The following PCDH15 variants were observed in gnomAD, a reference collection of about 807,000 sequenced individuals.
PCDH15 encodes the protein protocadherin related 15, also known as protocadherin-15.
In PCDH15, 129 loss-of-function variants were observed where a neutral mutation model predicts 178.5. The ratio of observed to expected loss-of-function variants is 0.72; its 90% confidence interval spans 0.63 to 0.84. The LOEUF is 0.84. Among genes scored for constraint, PCDH15 ranks in the 40% least tolerant of loss-of-function variants. The pLI, the probability that PCDH15 is intolerant of heterozygous loss-of-function variation, is 0.00. For synonymous variants in PCDH15, 800 were observed against 732.0 expected (o/e 1.09, Z -1.50); for missense variants, 2,230 against 2,099.9 (o/e 1.06, Z -1.21).
chr10:54,378,879 T>C lies in PCDH15; in HGVS notation c.221A>G (p.Glu74Gly). The C allele has an allele frequency of 6.2e-7, 1 of 1,613,828 alleles. No individual in the cohort carries two copies. The highest frequency in any genetic ancestry group is 1.1e-5 in the South Asian group (1 of 91,082). ...ATCCACATTATCCTTTAAAGAAAGTTCTATGGTGGGGTCTGGTCCTCCAGC... is the reference window on the plus strand; with the variant it reads ...ATCCACATTATCCTTTAAAGAAAGTCCTATGGTGGGGTCTGGTCCTCCAGC... ...GTAGGPDPTI[E>G]LSLKDNVDYW... Residue 74 changes from glutamate to glycine, a missense_variant, in exon 4 of 38, where the codon GAA becomes GGA. Physicochemically the swap from Glu to Gly is moderately conservative, Grantham distance 98 (BLOSUM62 -2). Coordinates refer to ENST00000644397, the MANE Select transcript of PCDH15 (RefSeq NM_001384140.1).
chr10:55,502,821 T>G (rs770902747), intron 2 of PCDH15, among the ~76,000 whole-genome samples: 22 of 151,764 alleles, frequency 1.4e-4, no homozygotes, highest in Admixed American at 9.2e-4. Context: ...CACCAAAAAT[T>G]TATTTATACT....
At chr10:55,143,118 G>A (rs1838398990) in intron 2 of PCDH15, among the ~76,000 whole-genome samples, 2 of 152,026 alleles carry the variant, frequency 1.3e-5, no homozygotes, top group Admixed American at 1.3e-4. Context: ...CATGTAAGTG[G>A]TGCCTTGCTT....
At position 54,723,264 on chromosome 10, in the gene PCDH15, A is replaced by T. The variant is rs1410260471; in HGVS notation, c.-28-58974T>A. On this transcript the variant is annotated intron_variant, in intron 1 of 37. Coordinates refer to ENST00000644397, the MANE Select transcript of PCDH15 (RefSeq NM_001384140.1). The stretch of plus-strand genomic sequence containing the variant: ...TAAAGCACACACTTACAATCAGTCG[A>T]TCTTCAAAATGTTAACAAAAGTAAA... Among the ~76,000 whole-genome samples the T allele has an allele frequency of 2.0e-5, 3 of 151,570 alleles. No homozygotes were observed. In the East Asian group the frequency reaches 5.8e-4, roughly 29 times the overall value.
intron 1 of PCDH15, among the ~76,000 whole-genome samples, chr10:54,748,687 C>A (rs1945793796): frequency 6.6e-6 from 1 of 152,210 alleles, no homozygotes; most frequent in Non-Finnish European, 1.5e-5. Context: ...AAAATCCTAA[C>A]CAGGACCTGG....
chr10:54,729,383 T>C (rs553567571), intron 1 of PCDH15, among the ~76,000 whole-genome samples: 1 of 151,714 alleles, frequency 6.6e-6, no homozygotes, highest in Non-Finnish European at 1.5e-5. Flanking sequence ...AGACTGACAC[T>C]GGATCCTTTC....
chr10:55,485,766 C>A (rs1419747001), intron 2 of PCDH15, among the ~76,000 whole-genome samples: 1 of 151,664 alleles, frequency 6.6e-6, no homozygotes, highest in Admixed American at 6.6e-5. Context: ...AACTACCATA[C>A]AATCCAGTAA....
chr10:53,808,693 C>T (rs2075747728), intron 37 of PCDH15: 1 of 1,611,664 alleles, frequency 6.2e-7, no homozygotes, highest in Non-Finnish European at 8.5e-7. Context: ...TGATCTCTTT[C>T]AAAGTGCTGT....
chr10:54,405,879 AAAAAAG>A (rs1033227494), intron 3 of PCDH15, among the ~76,000 whole-genome samples: 3 of 151,838 alleles, frequency 2.0e-5, no homozygotes, highest in Admixed American at 2.0e-4. Flanking sequence ...TAATTCTTTT[AAAAAAG>A]AAAAAGTATT....
intron 1 of PCDH15, among the ~76,000 whole-genome samples, chr10:55,205,510 TAG>T: frequency 6.6e-6 from 1 of 152,182 alleles, no homozygotes; most frequent in African/African-American, 2.4e-5. Context: ...TATTAGTTAA[TAG>T]TCTGTTGAAA....
intron 2 of PCDH15, among the ~76,000 whole-genome samples, chr10:55,011,228 G>T (rs1322208084): frequency 6.6e-6 from 1 of 151,962 alleles, no homozygotes; most frequent in Admixed American, 6.6e-5. Context: ...TATTAAAAGT[G>T]GACAAAGTGG....
chr10:55,116,376 TA>T (rs1373636036), intron 2 of PCDH15, among the ~76,000 whole-genome samples: 2 of 152,150 alleles, frequency 1.3e-5, no homozygotes, highest in East Asian at 3.9e-4. Context: ...TCAAAATGTT[TA>T]AATATTAGTA....
intron 2 of PCDH15, among the ~76,000 whole-genome samples, chr10:55,502,093 G>T (rs1840669903): frequency 6.6e-6 from 1 of 151,526 alleles, no homozygotes. Context: ...CCTCTCCTAA[G>T]TAAAAATTAA....
chr10:55,483,815 CA>C (rs71014494), intron 2 of PCDH15, among the ~76,000 whole-genome samples: 6,418 of 111,114 alleles, frequency 0.058, 387 homozygotes, highest in African/African-American at 0.18. Context: ...GACTCCATCT[CA>C]AAAAAAAAAA....
At chr10:55,030,347 CTGTT>C (rs1840579391) in intron 2 of PCDH15, among the ~76,000 whole-genome samples, 2 of 152,106 alleles carry the variant, frequency 1.3e-5, no homozygotes, top group Admixed American at 6.6e-5. Context: ...AATCATCTGT[CTGTT>C]TGATTTTTCT....
intron 3 of PCDH15, among the ~76,000 whole-genome samples, chr10:54,839,234 CT>C (rs1953374164): frequency 6.6e-6 from 1 of 151,972 alleles, no homozygotes; most frequent in Non-Finnish European, 1.5e-5. Context: ...CAAATAATTA[CT>C]TTAAGGACAC....
intron 1 of PCDH15, among the ~76,000 whole-genome samples, chr10:54,750,533 T>A (rs886683464): frequency 6.6e-6 from 1 of 152,112 alleles, no homozygotes; most frequent in Non-Finnish European, 1.5e-5. Flanking sequence ...CAATCTATTT[T>A]CAAGTTGAAA....
chr10:54,084,813 A>G (rs12246376), intron 16 of PCDH15, among the ~76,000 whole-genome samples: 4,104 of 152,300 alleles, frequency 0.027, 183 homozygotes, highest in African/African-American at 0.09. Context: ...AAAATTCTAC[A>G]GCTTGTGACT....
intron 25 of PCDH15, among the ~76,000 whole-genome samples, chr10:53,924,466 G>A (rs748854829): frequency 1.8e-4 from 28 of 152,270 alleles, no homozygotes; most frequent in Admixed American, 1.3e-3. Context: ...GTGTCCCCCC[G>A]CCGTGGGCTC....
chr10:54,507,094 C>T (rs2081237529), intron 3 of PCDH15, among the ~76,000 whole-genome samples: 1 of 151,776 alleles, frequency 6.6e-6, no homozygotes, highest in East Asian at 1.9e-4. Context: ...TGCTTTTCCT[C>T]ATGCATATAT....
Sources: allele counts gnomAD v4.1 joint callset (sites outside exome capture counted in the v4.1 genomes callset), GRCh38; gene constraint gnomAD v4.1.1; transcripts MANE v1.5; gene names NCBI Gene and HGNC (gene_info 2026-07-23, HGNC 2026-07-21).